The following ACSF2 variants were observed in gnomAD, a reference collection of about 807,000 sequenced individuals.
ACSF2 encodes medium-chain acyl-CoA ligase ACSF2, mitochondrial.
A neutral mutation model predicts 79.3 loss-of-function variants in ACSF2; 52 were observed. The observed-to-expected ratio is 0.66, with a 90% CI of 0.53 to 0.83. ACSF2 has a LOEUF of 0.83. Ranked by LOEUF, ACSF2 falls within the 40% of genes least tolerant of loss-of-function variation. ACSF2 has a pLI of 0.00. For synonymous variants in ACSF2, 283 were observed against 312.6 expected (o/e 0.91, Z 1.00); for missense variants, 661 against 803.3 (o/e 0.82, Z 2.14).
At chr17:50,472,328 T>G in intron 11 of ACSF2, 100 bp from the exon 12 acceptor site, 2 of 1,405,974 alleles carry the variant, frequency 1.4e-6, no homozygotes, top group Admixed American at 2.5e-5. Context: ...GGCAGTTGGG[T>G]TGGGGGGTTG....
At chr17:50,426,470 C>G (rs1914990895) in intron 1 of ACSF2, 81 bp downstream of exon 1, 1 of 1,266,472 alleles carries the variant, frequency 7.9e-7, no homozygotes, top group Non-Finnish European at 1.0e-6. Flanking sequence ...GCTTCGGAAG[C>G]CCCACCTCTG....
chr17:50,459,046 G>A (rs947315714), intron 1 of ACSF2, among the ~76,000 whole-genome samples: 3 of 152,186 alleles, frequency 2.0e-5, no homozygotes, highest in East Asian at 1.9e-4. Context: ...AATGTGTGTC[G>A]AAAGCATGGT....
intron 1 of ACSF2, among the ~76,000 whole-genome samples, chr17:50,455,860 C>A (rs2143665328): frequency 6.6e-6 from 1 of 152,304 alleles, no homozygotes; most frequent in East Asian, 1.9e-4. Flanking sequence ...GTTCCTCCTT[C>A]ACTGTGACGC....
At chr17:50,469,315 C>A (rs2032980813) in intron 10 of ACSF2, among the ~76,000 whole-genome samples, 1 of 152,196 alleles carries the variant, frequency 6.6e-6, no homozygotes, top group Non-Finnish European at 1.5e-5. Flanking sequence ...CGGGAGGAAG[C>A]GGGGCCGGAC....
In ACSF2 at chr17:50,462,740, C is replaced by G. The variant is rs370798037; in HGVS notation, c.792+155C>G. 6 of 868,894 alleles carry G rather than the reference C, an allele frequency of 6.9e-6. No homozygotes were observed. In the East Asian group the frequency reaches 1.6e-4, roughly 23 times the overall value. The allele number at this position is 868,894 out of a possible 1,614,324, so 53.8% of individuals were successfully genotyped here. A position where few individuals can be genotyped will look rare whatever the true frequency, so the allele number is the denominator to read the frequency against. ...CTCTCTGCCCTGGAAAATATCAGCA[C>G]CTGGTGTCCTTGTCACATTTCCTCC... On this transcript the variant is annotated intron_variant, in intron 6 of 15. Coordinates refer to ENST00000300441, the MANE Select transcript of ACSF2 (RefSeq NM_025149.6).
intron 1 of ACSF2, among the ~76,000 whole-genome samples, chr17:50,453,968 A>T (rs1403880643): frequency 6.6e-6 from 1 of 151,898 alleles, no homozygotes; most frequent in Non-Finnish European, 1.5e-5. Context: ...AAAAATTGCC[A>T]GCCTGGGCAA....
Position 50,471,927 on chromosome 17 carries a change from T to C in ACSF2, c.1324-501T>C, listed in dbSNP as rs2033139919. 6.6e-6 allele frequency among the ~76,000 whole-genome samples: 1 copy of C among 152,160 alleles called. No individual in the cohort carries two copies. Among genetic ancestry groups the C allele is most frequent in the South Asian group, 2.1e-4 (1 of 4,830 alleles). On this transcript the variant is annotated intron_variant, in intron 11 of 15. Coordinates refer to ENST00000300441, the MANE Select transcript of ACSF2 (RefSeq NM_025149.6). This position sits in a 1 kb window ranked among gnomAD's most constrained non-coding sequence, Gnocchi z 4.1. ...ACAGGGGCAGGCATCACTCACCCCA[T>C]TTCACGGACACAGACACTGAGGCAC...
chr17:50,459,069 T>C (rs1466002028), intron 1 of ACSF2, among the ~76,000 whole-genome samples: 1 of 152,246 alleles, frequency 6.6e-6, no homozygotes, highest in African/African-American at 2.4e-5. Context: ...ATAAATGCCA[T>C]GAATGGATGG....
At chr17:50,428,728 G>A (rs560505161) in intron 1 of ACSF2, among the ~76,000 whole-genome samples, 288 of 152,314 alleles carry the variant, frequency 1.9e-3, no homozygotes, top group Non-Finnish European at 2.6e-3. Context: ...GTTGCACTGA[G>A]CTGAGATTGC....
chr17:50,459,602 T>C (rs1424156019), intron 1 of ACSF2, among the ~76,000 whole-genome samples: 1 of 152,124 alleles, frequency 6.6e-6, no homozygotes, highest in Non-Finnish European at 1.5e-5. Context: ...GTAATGGAAG[T>C]GCAGGTTCTC....
In ACSF2 at chr17:50,438,545, A is replaced by AT. The variant is rs1041451158; in HGVS notation, c.128+12165dup. Among the ~76,000 whole-genome samples, 140 of 151,274 alleles carry AT rather than the reference A, an allele frequency of 9.3e-4. 1 individual carries two copies. The highest frequency in any genetic ancestry group is 4.9e-4 in the Non-Finnish European group (33 of 67,758). ...AGTTTGCTTTTCAGAACTTTGTGGA[A>AT]TTTTTTTTTCCAAATATTTTTCTTT... On this transcript the variant is annotated intron_variant, in intron 1 of 15. Transcript: ENST00000300441.
chr17:50,427,043 G>A, intron 1 of ACSF2: 1 of 1,497,856 alleles, frequency 6.7e-7, no homozygotes. Flanking sequence ...TGGCAAATGT[G>A]AAAGTGCTTG....
intron 10 of ACSF2, chr17:50,467,966 G>C (rs1178408350): frequency 6.8e-7 from 1 of 1,463,670 alleles, no homozygotes; most frequent in Non-Finnish European, 9.2e-7. Context: ...GATGGTGCCA[G>C]CTGTGGCCCT....
At chr17:50,473,586 C>G in intron 12 of ACSF2, 79 bp from the exon 13 acceptor site, 1 of 1,594,048 alleles carries the variant, frequency 6.3e-7, no homozygotes, top group Non-Finnish European at 8.6e-7. Flanking sequence ...AGTAGCTGGT[C>G]AATAAATGTT....
intron 10 of ACSF2, chr17:50,470,823 G>T (rs1567864237): frequency 3.9e-6 from 2 of 508,670 alleles, no homozygotes; most frequent in Non-Finnish European, 7.1e-6. Flanking sequence ...TCAGATCTGG[G>T]GCCCTGCAGA....
intron 1 of ACSF2, among the ~76,000 whole-genome samples, chr17:50,433,085 A>G (rs991973993): frequency 1.3e-5 from 2 of 150,904 alleles, no homozygotes; most frequent in Non-Finnish European, 2.9e-5. Flanking sequence ...ACACGCACAC[A>G]CACACTTAAA....
intron 1 of ACSF2, among the ~76,000 whole-genome samples, chr17:50,449,906 G>A (rs925487154): frequency 2.0e-5 from 3 of 152,042 alleles, no homozygotes; most frequent in African/African-American, 4.8e-5. Flanking sequence ...CCCATTAAAC[G>A]ATAAGTTCCC....
chr17:50,440,439 C>T lies in ACSF2; in HGVS notation c.128+14050C>T, dbSNP rs566796573. Among the ~76,000 whole-genome samples the T allele has an allele frequency of 2.0e-5, 3 of 152,334 alleles. No individual in the cohort carries two copies. The East Asian group carries it at 5.8e-4, about 29-fold the overall frequency. ...CCAGGTTCCAAGAACCTCTACCCAG[C>T]AGGTAATATGTAACAGGAGGCAAAA... On this transcript the variant is annotated intron_variant, in intron 1 of 15. Transcript: ENST00000300441.
At chr17:50,447,707 C>G (rs897130724) in intron 1 of ACSF2, among the ~76,000 whole-genome samples, 1 of 152,046 alleles carries the variant, frequency 6.6e-6, no homozygotes, top group Admixed American at 6.5e-5. Context: ...AGAGGAGGTC[C>G]CTTAGCCACA....
Sources: allele counts gnomAD v4.1 joint callset (sites outside exome capture counted in the v4.1 genomes callset), GRCh38; gene constraint gnomAD v4.1.1; non-coding constraint Gnocchi (gnomAD v3.1); transcripts MANE v1.5; gene names NCBI Gene and HGNC (gene_info 2026-07-23, HGNC 2026-07-21).